Variants in DPP10 observed in about 807,000 individuals in gnomAD.
The protein encoded by DPP10 is dipeptidyl peptidase like 10.
In DPP10, 33 loss-of-function variants were observed where a neutral mutation model predicts 120.9. That is an observed-to-expected ratio of 0.27 (90% CI 0.21 to 0.37). DPP10 has a LOEUF of 0.37. DPP10 is among the 10% of genes least tolerant of loss of function. The probability of loss-of-function intolerance (pLI) is 1.00; values close to 1 mark genes in which losing one functional copy is unlikely to be tolerated. For synonymous variants in DPP10, 337 were observed against 326.1 expected, an observed-to-expected ratio of 1.03 and a Z score of -0.36; for missense variants, 816 against 942.8, an observed-to-expected ratio of 0.87 and a Z score of 1.76.
At chr2:115,682,185 C>T (rs1164508114) in intron 5 of DPP10, among the ~76,000 whole-genome samples, 1 of 151,898 alleles carries the variant, frequency 6.6e-6, no homozygotes, top group African/African-American at 2.4e-5. Context: ...ATCGCTTGTA[C>T]TACTTTCAGT....
intron 3 of DPP10, among the ~76,000 whole-genome samples, chr2:115,348,254 G>A (rs960502555): frequency 4.0e-4 from 61 of 152,090 alleles, no homozygotes; most frequent in African/African-American, 1.4e-3. Context: ...TATTTCCCCA[G>A]GTACATTCAT....
At chr2:114,749,517 T>C (rs1029238860) in intron 1 of DPP10, among the ~76,000 whole-genome samples, 2 of 150,916 alleles carry the variant, frequency 1.3e-5, no homozygotes, top group African/African-American at 4.9e-5. Flanking sequence ...TTAGAAAAGG[T>C]ATATAAACAA....
At chr2:115,633,347 C>G (rs567068977) in intron 5 of DPP10, among the ~76,000 whole-genome samples, 7 of 152,056 alleles carry the variant, frequency 4.6e-5, no homozygotes, top group African/African-American at 1.7e-4. Context: ...AACCAAACAC[C>G]ACATGTTCTC....
intron 1 of DPP10, among the ~76,000 whole-genome samples, chr2:114,831,230 A>G (rs1325012274): frequency 6.6e-6 from 1 of 152,136 alleles, no homozygotes; most frequent in Admixed American, 6.5e-5. Context: ...AAATCTTTCA[A>G]TAGAACATAA....
At chr2:114,753,600 C>T (rs1240575271) in intron 1 of DPP10, among the ~76,000 whole-genome samples, 2 of 151,900 alleles carry the variant, frequency 1.3e-5, no homozygotes, top group East Asian at 1.9e-4. Context: ...CCTGCAATCT[C>T]GAGAAAAAGT....
chr2:115,027,385 A>T (rs1052374012), intron 1 of DPP10, among the ~76,000 whole-genome samples: 1 of 151,856 alleles, frequency 6.6e-6, no homozygotes, highest in Non-Finnish European at 1.5e-5. Flanking sequence ...AAAAAAAGTG[A>T]AAGTTTTGAT....
At chr2:115,442,746 G>A (rs2072195393) in intron 3 of DPP10, among the ~76,000 whole-genome samples, 1 of 152,054 alleles carries the variant, frequency 6.6e-6, no homozygotes, top group Non-Finnish European at 1.5e-5. Flanking sequence ...CCCTTACAAC[G>A]ATATTAAAAA....
At chr2:114,971,640 A>G (rs1699401539) in intron 1 of DPP10, among the ~76,000 whole-genome samples, 1 of 152,198 alleles carries the variant, frequency 6.6e-6, no homozygotes, top group African/African-American at 2.4e-5. Context: ...GCGAAAGTAG[A>G]CTAACAAAAT....
At chr2:114,890,836 A>G (rs915446605) in intron 1 of DPP10, among the ~76,000 whole-genome samples, 29 of 152,180 alleles carry the variant, frequency 1.9e-4, no homozygotes, top group African/African-American at 7.0e-4. Flanking sequence ...CTGTCGCTCT[A>G]CATAGGAAAA....
intron 1 of DPP10, among the ~76,000 whole-genome samples, chr2:115,190,974 C>T (rs192809348): frequency 5.9e-5 from 9 of 152,208 alleles, no homozygotes; most frequent in East Asian, 1.9e-4. Flanking sequence ...GTTTGGTTAG[C>T]GGAGAACTCA....
At chr2:114,797,891 G>A (rs1336266000) in intron 1 of DPP10, among the ~76,000 whole-genome samples, 3 of 152,244 alleles carry the variant, frequency 2.0e-5, no homozygotes, top group Admixed American at 6.5e-5. Context: ...TATTTTTATC[G>A]TGGAGAAACT....
rs370021510 is a variant in DPP10, at chr2:115,103,086, ATAACT to A, written c.61-206149_61-206145del. ...ATAAAAAATGAACTCTAAAACAGAA[ATAACT>A]TAATACATAAAAATCTCATCTCTCT... On this transcript the variant is annotated intron_variant, in intron 1 of 25. Coordinates refer to ENST00000410059, the MANE Select transcript of DPP10 (RefSeq NM_020868.6). 4.9e-4 allele frequency among the ~76,000 whole-genome samples: 74 copies of A among 152,320 alleles called. 1 individual carries two copies. The highest frequency in any genetic ancestry group is 1.6e-3 in the African/African-American group (65 of 41,574).
intron 1 of DPP10, among the ~76,000 whole-genome samples, chr2:115,114,636 T>C (rs1376375020): frequency 6.6e-6 from 1 of 152,316 alleles, no homozygotes; most frequent in East Asian, 1.9e-4. Flanking sequence ...TACCTTTGTC[T>C]CTCTAGGAGA....
At chr2:115,573,581 C>A (rs1288793348) in intron 5 of DPP10, among the ~76,000 whole-genome samples, 11 of 70,270 alleles carry the variant, frequency 1.6e-4, no homozygotes, top group Non-Finnish European at 2.8e-4. Context: ...TGCGCCCGGC[C>A]TTTTTTTTTT....
At chr2:114,681,715 C>A (rs868740222) in intron 1 of DPP10, among the ~76,000 whole-genome samples, 8 of 152,016 alleles carry the variant, frequency 5.3e-5, no homozygotes, top group Admixed American at 2.0e-4. Context: ...GTCAGGGGAG[C>A]CTTTGCCTGA....
intron 1 of DPP10, among the ~76,000 whole-genome samples, chr2:115,159,543 A>G (rs1378554039): frequency 6.6e-6 from 1 of 152,178 alleles, no homozygotes; most frequent in Non-Finnish European, 1.5e-5. Context: ...CAAGTGCAAT[A>G]CATTAAAAAA....
intron 19 of DPP10, among the ~76,000 whole-genome samples, chr2:115,799,961 G>GGCT (rs1202903406): frequency 6.6e-6 from 1 of 151,158 alleles, no homozygotes; most frequent in Non-Finnish European, 1.5e-5. Flanking sequence ...GTAATGGGAT[G>GGCT]GCTGGGTCAA....
chr2:115,275,382 TA>T (rs1259788734), intron 1 of DPP10, among the ~76,000 whole-genome samples: 33 of 152,236 alleles, frequency 2.2e-4, no homozygotes, highest in Non-Finnish European at 3.7e-4. Flanking sequence ...TCTATCGATG[TA>T]TATTAGTAAG....
intron 5 of DPP10, among the ~76,000 whole-genome samples, chr2:115,674,179 C>T (rs2090105665): frequency 6.6e-6 from 1 of 152,020 alleles, no homozygotes; most frequent in Admixed American, 6.6e-5. Flanking sequence ...GAGCCGAGAT[C>T]ATGCCATTGC....
Sources: allele counts gnomAD v4.1 joint callset (sites outside exome capture counted in the v4.1 genomes callset), GRCh38; gene constraint gnomAD v4.1.1; transcripts MANE v1.5; gene names NCBI Gene and HGNC (gene_info 2026-07-23, HGNC 2026-07-21).